The following EXOC4 variants were observed in gnomAD, a reference collection of about 807,000 sequenced individuals.
The protein encoded by EXOC4 is SEC8-like 1.
In EXOC4, 71 loss-of-function variants were observed where a neutral mutation model predicts 107.2. The observed-to-expected ratio is 0.66, with a 90% CI of 0.55 to 0.81. The LOEUF is 0.81. Among genes scored for constraint, EXOC4 ranks in the 30% least tolerant of loss-of-function variants. The probability of loss-of-function intolerance (pLI) is 0.00; values close to 1 mark genes in which losing one functional copy is unlikely to be tolerated. For synonymous variants in EXOC4, 456 were observed against 441.2 expected, an observed-to-expected ratio of 1.03 and a Z score of -0.42; for missense variants, 1,108 against 1,189.6, an observed-to-expected ratio of 0.93 and a Z score of 1.01.
intron 10 of EXOC4, among the ~76,000 whole-genome samples, chr7:133,755,264 T>G (rs11983304): frequency 1.1e-5 from 1 of 94,254 alleles, no homozygotes; most frequent in African/African-American, 4.6e-5. Flanking sequence ...TATATATATA[T>G]TATATATATT....
rs1323541051 is a variant in EXOC4, at chr7:133,389,879, A to G, written c.1182+14877A>G. 1.1e-4 allele frequency among the ~76,000 whole-genome samples: 15 copies of G among 142,406 alleles called. 1 individual carries two copies. The highest frequency in any genetic ancestry group is 9.6e-4 in the Admixed American group (13 of 13,566). The allele number at this position is 142,406 out of a possible 152,430, so 93.4% of individuals were successfully genotyped here. A position where few individuals can be genotyped will look rare whatever the true frequency, so the allele number is the denominator to read the frequency against. On this transcript the variant is annotated intron_variant, in intron 7 of 17. Transcript: ENST00000253861. Reference sequence around the variant, plus strand: ...CAAGGAGGAGTAAGTCACATCTTACATGGATGGCAGCAGGCCAAAAAAAAA... The same window carrying G: ...CAAGGAGGAGTAAGTCACATCTTACGTGGATGGCAGCAGGCCAAAAAAAAA...
At chr7:133,269,779 G>A (rs766133631) in intron 1 of EXOC4, among the ~76,000 whole-genome samples, 9 of 152,064 alleles carry the variant, frequency 5.9e-5, no homozygotes, top group East Asian at 1.9e-4. Flanking sequence ...ACCTCTTTCT[G>A]TTTGGAAGTA....
chr7:133,721,886 C>T (rs1795111966), intron 10 of EXOC4, among the ~76,000 whole-genome samples: 1 of 152,112 alleles, frequency 6.6e-6, no homozygotes, highest in African/African-American at 2.4e-5. Context: ...TATCCTTGTC[C>T]CTGACCCAGG....
chr7:133,380,649 G>A (rs1177583009), intron 7 of EXOC4, among the ~76,000 whole-genome samples: 1 of 151,906 alleles, frequency 6.6e-6, no homozygotes, highest in Non-Finnish European at 1.5e-5. Flanking sequence ...AAATTTTATA[G>A]TTTAAGAGAA....
intron 10 of EXOC4, among the ~76,000 whole-genome samples, chr7:133,692,500 T>C (rs1794443611): frequency 6.6e-6 from 1 of 152,164 alleles, no homozygotes; most frequent in Non-Finnish European, 1.5e-5. Flanking sequence ...ATGGGAAATC[T>C]CAGGAAATTA....
chr7:133,536,888 G>A (rs1800280299), intron 9 of EXOC4, among the ~76,000 whole-genome samples: 1 of 152,118 alleles, frequency 6.6e-6, no homozygotes, highest in African/African-American at 2.4e-5. Context: ...GCAAAAGTAA[G>A]ACATATGCTT....
intron 9 of EXOC4, among the ~76,000 whole-genome samples, chr7:133,571,840 A>C (rs1202845581): frequency 6.6e-6 from 1 of 152,216 alleles, no homozygotes; most frequent in Non-Finnish European, 1.5e-5. Context: ...GCAGAAGAGT[A>C]AAAGAGCTGA....
intron 10 of EXOC4, among the ~76,000 whole-genome samples, chr7:133,695,033 G>T (rs1794502880): frequency 6.6e-6 from 1 of 152,092 alleles, no homozygotes; most frequent in South Asian, 2.1e-4. Context: ...TGTTGGTCAG[G>T]CTGGTCTGGA....
At chr7:133,883,712 A>G (rs893329975) in intron 11 of EXOC4, among the ~76,000 whole-genome samples, 1 of 152,168 alleles carries the variant, frequency 6.6e-6, no homozygotes, top group African/African-American at 2.4e-5. Flanking sequence ...TTTGATTGAC[A>G]TGAACACTCA....
At chr7:133,604,772 G>T (rs1193679796) in intron 9 of EXOC4, among the ~76,000 whole-genome samples, 1 of 127,122 alleles carries the variant, frequency 7.9e-6, no homozygotes, top group Non-Finnish European at 1.6e-5. Flanking sequence ...TGCCCAGGCT[G>T]GAGTGCAGTG....
At chr7:133,790,927 A>G (rs1796689630) in intron 10 of EXOC4, among the ~76,000 whole-genome samples, 1 of 152,256 alleles carries the variant, frequency 6.6e-6, no homozygotes, top group East Asian at 1.9e-4. Context: ...TCTCTGAAGC[A>G]TGGAAGGAGA....
chr7:133,641,344 A>G (rs1802849664), intron 10 of EXOC4, among the ~76,000 whole-genome samples: 1 of 152,196 alleles, frequency 6.6e-6, no homozygotes, highest in Admixed American at 6.5e-5. Flanking sequence ...GATATTGAAT[A>G]TTCTTTCAGT....
chr7:133,646,793 A>C (rs1803003542), intron 10 of EXOC4, among the ~76,000 whole-genome samples: 1 of 152,228 alleles, frequency 6.6e-6, no homozygotes. Context: ...GAGAAGGGGA[A>C]GATGGATGCA....
In EXOC4 at chr7:133,425,290, T is replaced by C. The variant is rs192393975; in HGVS notation, c.1183-50038T>C. On this transcript the variant is annotated intron_variant, in intron 7 of 17. Transcript: ENST00000253861. Reference sequence around the variant, plus strand: ...ACTTCCTCCTCAGCCAAGACACTTTTTTTGTTCGTTTGTTTGAGATGGAGT... The same window carrying C: ...ACTTCCTCCTCAGCCAAGACACTTTCTTTGTTCGTTTGTTTGAGATGGAGT... Among the ~76,000 whole-genome samples, 4 of 152,248 alleles carry C rather than the reference T, an allele frequency of 2.6e-5. No homozygotes were observed. The East Asian group carries it at 7.7e-4, about 29-fold the overall frequency.
chr7:133,583,099 C>A, intron 9 of EXOC4, among the ~76,000 whole-genome samples: 1 of 152,160 alleles, frequency 6.6e-6, no homozygotes. Context: ...TCTAATTTTA[C>A]AATATTTTTC....
intron 10 of EXOC4, among the ~76,000 whole-genome samples, chr7:133,784,106 C>T (rs957854779): frequency 9.2e-5 from 14 of 151,774 alleles, no homozygotes; most frequent in Non-Finnish European, 1.6e-4. Flanking sequence ...TTAAAAATGC[C>T]GCTTAATTTT....
At chr7:133,990,928 C>T (rs947728000) in intron 14 of EXOC4, among the ~76,000 whole-genome samples, 4 of 152,158 alleles carry the variant, frequency 2.6e-5, no homozygotes, top group African/African-American at 9.7e-5. Flanking sequence ...GATTTCCTCT[C>T]TCTTGGATAT....
At chr7:133,830,023 G>A (rs1055589040) in intron 11 of EXOC4, among the ~76,000 whole-genome samples, 1 of 151,888 alleles carries the variant, frequency 6.6e-6, no homozygotes, top group Non-Finnish European at 1.5e-5. Flanking sequence ...TCCCCTGATG[G>A]ATGGTCATAT....
chr7:133,758,701 A>G (rs1795968870), intron 10 of EXOC4, among the ~76,000 whole-genome samples: 2 of 130,474 alleles, frequency 1.5e-5, no homozygotes, highest in Admixed American at 1.5e-4. Flanking sequence ...CACATGCTAT[A>G]TAGTTATACA....
Sources: gnomAD v4.1 joint callset for allele counts (sites outside exome capture counted in the v4.1 genomes callset) on GRCh38, gnomAD v4.1.1 for gene constraint, MANE v1.5 for transcripts, NCBI Gene and HGNC (gene_info 2026-07-23, HGNC 2026-07-21) for gene names.